SLC2A11: variants seen among roughly 807,000 people sequenced by gnomAD.
The protein encoded by SLC2A11 is solute carrier family 2, facilitated glucose transporter member 11.
A neutral mutation model predicts 52.1 loss-of-function variants in SLC2A11; 43 were observed. The ratio of observed to expected loss-of-function variants is 0.82; its 90% CI spans 0.65 to 1.06. The LOEUF (loss-of-function observed/expected upper bound fraction) is 1.06, where lower values mean the gene tolerates loss of function less well. Ranked by LOEUF, SLC2A11 falls within the 50% of genes least tolerant of loss-of-function variation. SLC2A11 has a pLI of 0.00. For missense variants in SLC2A11, 582 were observed against 654.2 expected, an observed-to-expected ratio of 0.89 and a Z score of 1.20; for synonymous variants, 261 against 277.6, an observed-to-expected ratio of 0.94 and a Z score of 0.59.
chr22:23,880,080 C>T (rs2032748359), intron 6 of SLC2A11, among the ~76,000 whole-genome samples: 1 of 151,598 alleles, frequency 6.6e-6, no homozygotes. Flanking sequence ...GGTATGGTGG[C>T]ACGTACCTGT....
rs181255137 is a variant in SLC2A11, at chr22:23,862,455, C to T, written c.129+253C>T. 1.5e-3 allele frequency: 728 copies of T among 478,674 alleles called. 6 individuals carry two copies. The highest frequency in any genetic ancestry group is 0.012 in the African/African-American group (622 of 51,990). 29.7% of individuals were successfully genotyped at this position (478,674 alleles called of 1,614,324 possible). On this transcript the variant is annotated intron_variant, in intron 2 of 11. Transcript: ENST00000316185. ...CCTAGTGATGGGGGGTCAGCCTTGA[C>T]TCTTCTCTTCATCTCTTGGACACTA...
chr22:23,865,996 T>C (rs6003932), intron 2 of SLC2A11: 42,053 of 151,508 alleles, frequency 0.28, 6,287 homozygotes, highest in Non-Finnish European at 0.33. Context: ...TGAGACCCAG[T>C]ATCTACAAAA....
chr22:23,857,800 C>T (rs1293591160), upstream of SLC2A11: 53 of 1,458,738 alleles, frequency 3.6e-5, no homozygotes, highest in Non-Finnish European at 4.6e-5. Flanking sequence ...GCTCTCAATA[C>T]CCACTGCGCT....
intron 3 of SLC2A11, 130 bp from the exon 4 acceptor site, chr22:23,874,987 A>G: frequency 9.4e-7 from 1 of 1,068,570 alleles, no homozygotes. Context: ...CAAAGTAGTT[A>G]ATGGCATACT....
At chr22:23,875,392 T>C (rs2032586227) in intron 4 of SLC2A11, 151 bp downstream of exon 4, 3 of 1,015,020 alleles carry the variant, frequency 3.0e-6, no homozygotes, top group Admixed American at 3.9e-5. Context: ...AAGGATGTAG[T>C]ATAGTTTATC....
At chr22:23,859,727 G>T (rs551805590) in intron 1 of SLC2A11, among the ~76,000 whole-genome samples, 26 of 152,262 alleles carry the variant, frequency 1.7e-4, no homozygotes, top group African/African-American at 5.8e-4. Flanking sequence ...GACCTCAAGT[G>T]GTCTGCCCAC....
At chr22:23,875,301 A>G in intron 4 of SLC2A11, 60 bp downstream of exon 4, 2 of 1,321,226 alleles carry the variant, frequency 1.5e-6, no homozygotes. Context: ...AAATTCATTA[A>G]TTCCTTTTAT....
Position 23,883,933 on chromosome 22 carries a change from G to A in SLC2A11, c.1096-16G>A, listed in dbSNP as rs373367010. 1.7e-5 allele frequency: 27 copies of A among 1,611,650 alleles called. No individual in the cohort carries two copies. In the East Asian group the frequency reaches 2.5e-4, roughly 15 times the overall value. On this transcript the variant is annotated splice_polypyrimidine_tract_variant and intron_variant, in intron 9 of 11. Transcript: ENST00000316185. ...CCGGGCTGACTTCCACCTCACCCCC[G>A]CCCCGTCCACGGCAGAGCTCCTTCC...
rs145684571 is a variant in SLC2A11 at position 23,861,598 on chromosome 22, A to G, written c.31-506A>G. On this transcript the variant is annotated intron_variant, in intron 1 of 11. Coordinates refer to ENST00000316185, the MANE Select transcript of SLC2A11 (RefSeq NM_001024939.4). ...CCCAAGTCCTTGCACCTGCAGGTCC[A>G]TGTGGCATCTTCTCTTAGCCTCATT... Among the ~76,000 whole-genome samples, 1,033 of 152,348 alleles carry G rather than the reference A, an allele frequency of 6.8e-3. 12 individuals carry two copies. The highest frequency in any genetic ancestry group is 0.024 in the African/African-American group (995 of 41,576).
At chr22:23,866,174 AAAAAAAAAG>A (rs1194422073) in intron 2 of SLC2A11, 1 of 138,604 alleles carries the variant, frequency 7.2e-6, no homozygotes, top group Non-Finnish European at 1.6e-5. Flanking sequence ...ATCTTTAAAA[AAAAAAAAAG>A]AAAGAAAAAA....
rs200078540 is a variant in SLC2A11 at position 23,860,732 on chromosome 22, C to CTT, written c.31-1361_31-1360dup. On this transcript the variant is annotated intron_variant, in intron 1 of 11. Transcript: ENST00000316185. The stretch of plus-strand genomic sequence containing the variant: ...TGGGCGGCAGAGCAAAACTCCGTCT[C>CTT]TTTTTTTTTTTTGAGACGGAGTCTC... 3.6e-5 allele frequency among the ~76,000 whole-genome samples: 5 copies of CTT among 137,106 alleles called. 1 individual carries two copies. The South Asian group carries it at 7.5e-4, about 21-fold the overall frequency. 89.9% of individuals were successfully genotyped at this position (137,106 alleles called of 152,430 possible). A position where few individuals can be genotyped will look rare whatever the true frequency, so the allele number is the denominator to read the frequency against.
intron 1 of SLC2A11, among the ~76,000 whole-genome samples, 177 bp from the exon 2 acceptor site, chr22:23,861,927 C>T (rs1414996746): frequency 1.3e-5 from 2 of 152,214 alleles, no homozygotes; most frequent in Admixed American, 1.3e-4. Flanking sequence ...GGTTCCTCTG[C>T]TACCTGCCAG....
rs1352372998 is a variant in SLC2A11, at chr22:23,867,993, T to C, written c.130-488T>C. On this transcript the variant is annotated intron_variant, in intron 2 of 11. Coordinates refer to ENST00000316185, the MANE Select transcript of SLC2A11 (RefSeq NM_001024939.4). ...TAGGAATCCCCAATTGATGGCCAGT[T>C]GGTCAGAAGTGCAGGAGTTGCACTT... 9.2e-6 allele frequency: 3 copies of C among 327,162 alleles called. No individual in the cohort carries two copies. The East Asian group carries it at 2.3e-4, about 25-fold the overall frequency. 20.3% of individuals were successfully genotyped at this position (327,162 alleles called of 1,614,324 possible). A position where few individuals can be genotyped will look rare whatever the true frequency, so the allele number is the denominator to read the frequency against.
chr22:23,857,081 G>T, upstream of SLC2A11: 12 of 1,224,814 alleles, frequency 9.8e-6, no homozygotes, highest in South Asian at 2.6e-5. Context: ...TGTGGGGGGG[G>T]GGGGGTGTAG....
chr22:23,857,956 G>T lies in SLC2A11; in HGVS notation c.-44G>T, dbSNP rs1443983425. 1.3e-6 allele frequency: 2 copies of T among 1,592,730 alleles called. No individual in the cohort carries two copies. Among genetic ancestry groups the T allele is most frequent in the Admixed American group, 3.4e-5 (2 of 58,102 alleles). On this transcript the variant is annotated 5_prime_UTR_variant, in exon 1 of 12. Coordinates refer to ENST00000316185, the MANE Select transcript of SLC2A11 (RefSeq NM_001024939.4). ...TCACCGCTTGCTAATGGCAGCCGGGGTCTCCCTGGGACAGCAAGACCTCCG... is the reference window on the plus strand; with the variant it reads ...TCACCGCTTGCTAATGGCAGCCGGGTTCTCCCTGGGACAGCAAGACCTCCG...
At chr22:23,856,956 G>A (rs2031847495), upstream of SLC2A11, 6 of 1,611,260 alleles carry the variant, frequency 3.7e-6, no homozygotes, top group Non-Finnish European at 4.2e-6. Context: ...CTCTCGCTCT[G>A]CCCAGGACGC....
intron 6 of SLC2A11, chr22:23,881,997 G>T (rs571498399): frequency 4.7e-6 from 1 of 210,744 alleles, no homozygotes; most frequent in Non-Finnish European, 9.4e-6. Context: ...GATTGAGAGA[G>T]ACAGAGGCAG....
intron 4 of SLC2A11, among the ~76,000 whole-genome samples, chr22:23,875,687 C>T (rs1220741583): frequency 6.6e-6 from 1 of 152,184 alleles, no homozygotes; most frequent in Non-Finnish European, 1.5e-5. Flanking sequence ...TTTTTAGGGG[C>T]TCCAACCAAC....
chr22:23,871,741 CAA>C (rs1037146886), intron 3 of SLC2A11: 3 of 123,838 alleles, frequency 2.4e-5, no homozygotes, highest in Non-Finnish European at 1.7e-5. Context: ...GACTCTGTCT[CAA>C]AAAAAAAAAA....
Sources: gnomAD v4.1 joint callset for allele counts (sites outside exome capture counted in the v4.1 genomes callset) on GRCh38, gnomAD v4.1.1 for gene constraint, MANE v1.5 for transcripts, NCBI Gene and HGNC (gene_info 2026-07-23, HGNC 2026-07-21) for gene names.